Variants in IQGAP2 observed in about 807,000 individuals in gnomAD.
IQGAP2 encodes the protein ras GTPase-activating-like protein IQGAP2.
In IQGAP2, 173 loss-of-function variants were observed where a neutral mutation model predicts 201.3. The ratio of observed to expected loss-of-function variants is 0.86; its 90% confidence interval spans 0.76 to 0.98. The LOEUF (loss-of-function observed/expected upper bound fraction) is 0.98. IQGAP2 is among the 50% of genes least tolerant of loss of function. The pLI is 0.00. For synonymous variants in IQGAP2, 675 were observed against 673.9 expected (o/e 1.00, Z -0.03); for missense variants, 1,687 against 1,864.8 (o/e 0.90, Z 1.76).
intron 2 of IQGAP2, among the ~76,000 whole-genome samples, chr5:76,559,678 C>A (rs1481069222): frequency 6.6e-6 from 1 of 152,152 alleles, no homozygotes; most frequent in African/African-American, 2.4e-5. Context: ...CCAATAATGT[C>A]GTTTCATTCG....
chr5:76,683,943 T>C (rs1041793887), intron 30 of IQGAP2, 26 bp downstream of exon 30: 10 of 1,594,746 alleles, frequency 6.3e-6, no homozygotes, highest in Admixed American at 3.4e-5. Context: ...AAAGGGCACA[T>C]GTCTCCAAAT....
At position 76,671,943 on chromosome 5, in the gene IQGAP2, G is replaced by T. The variant is rs560682248; in HGVS notation, c.3028G>T (p.Ala1010Ser). Residue 1010 changes from alanine to serine, a missense_variant, in exon 24 of 36, where the codon GCT becomes TCT. By Grantham distance (99) the Ala-to-Ser change is moderately conservative (BLOSUM62 1). Coordinates refer to ENST00000274364, the MANE Select transcript of IQGAP2 (RefSeq NM_006633.5). The stretch of plus-strand genomic sequence containing the variant: ...CACAAACCCTGTAGAGGTGTACAAG[G>T]CTTGGGTGAACCAACTAGAAACACA... ...INTNPVEVYKAWVNQLETQTG... is the reference protein window; with the variant it reads ...INTNPVEVYKSWVNQLETQTG... 85 of 1,613,982 alleles carry T rather than the reference G, an allele frequency of 5.3e-5. 1 individual carries two copies. The South Asian group carries it at 7.1e-4, about 14-fold the overall frequency.
intron 1 of IQGAP2, among the ~76,000 whole-genome samples, chr5:76,418,198 C>G (rs1488982947): frequency 2.4e-5 from 3 of 127,074 alleles, no homozygotes; most frequent in African/African-American, 8.7e-5. Flanking sequence ...CAGAGAGAGA[C>G]TCCGTCTCAA....
intron 34 of IQGAP2, among the ~76,000 whole-genome samples, chr5:76,701,507 A>C (rs1005102278): frequency 3.3e-5 from 5 of 152,190 alleles, no homozygotes; most frequent in African/African-American, 7.2e-5. Flanking sequence ...TTTGGTCTTG[A>C]TGGATGAATT....
At chr5:76,552,275 T>C (rs1421478084) in intron 2 of IQGAP2, among the ~76,000 whole-genome samples, 1 of 152,186 alleles carries the variant, frequency 6.6e-6, no homozygotes, top group Non-Finnish European at 1.5e-5. Context: ...CTGGCTTCTG[T>C]TGAGATGGCC....
intron 23 of IQGAP2, among the ~76,000 whole-genome samples, chr5:76,671,041 T>C (rs1580778793): frequency 1.3e-5 from 2 of 152,104 alleles, no homozygotes; most frequent in Non-Finnish European, 2.9e-5. Context: ...GGCGGGTAGA[T>C]CATTTGAGGT....
intron 5 of IQGAP2, among the ~76,000 whole-genome samples, chr5:76,578,740 C>T (rs1260330566): frequency 6.6e-6 from 1 of 152,142 alleles, no homozygotes; most frequent in Non-Finnish European, 1.5e-5. Flanking sequence ...CCCACTATCT[C>T]AACACCAAGT....
At chr5:76,643,495 A>C (rs1751757567) in intron 17 of IQGAP2, among the ~76,000 whole-genome samples, 1 of 152,198 alleles carries the variant, frequency 6.6e-6, no homozygotes, top group Admixed American at 6.5e-5. Context: ...TTTGCTTCTC[A>C]AGTGCTTGAT....
intron 1 of IQGAP2, among the ~76,000 whole-genome samples, chr5:76,409,010 C>T (rs1221921554): frequency 6.6e-6 from 1 of 151,900 alleles, no homozygotes; most frequent in African/African-American, 2.4e-5. Flanking sequence ...TCAGGCTGGT[C>T]TCGAACTTCC....
chr5:76,545,077 T>C (rs1171817267), intron 2 of IQGAP2, among the ~76,000 whole-genome samples: 3 of 152,134 alleles, frequency 2.0e-5, no homozygotes, highest in South Asian at 2.1e-4. Context: ...TACATACATA[T>C]ATACACATAA....
intron 2 of IQGAP2, among the ~76,000 whole-genome samples, chr5:76,508,697 T>G (rs1192700858): frequency 6.6e-6 from 1 of 151,716 alleles, no homozygotes; most frequent in Non-Finnish European, 1.5e-5. Context: ...TTTGTTTTGT[T>G]TTGTTTTTTT....
chr5:76,689,972 G>T (rs1450120036), intron 30 of IQGAP2, among the ~76,000 whole-genome samples: 1 of 152,126 alleles, frequency 6.6e-6, no homozygotes, highest in Non-Finnish European at 1.5e-5. Flanking sequence ...TATCTACAGT[G>T]GGGTTTGAGC....
intron 1 of IQGAP2, among the ~76,000 whole-genome samples, chr5:76,452,311 A>G (rs1032462083): frequency 8.6e-5 from 13 of 150,540 alleles, no homozygotes; most frequent in African/African-American, 2.9e-4. Context: ...TTACATATGT[A>G]TACATGTGCC....
chr5:76,419,618 G>A (rs1471735962), intron 1 of IQGAP2, among the ~76,000 whole-genome samples: 1 of 151,460 alleles, frequency 6.6e-6, no homozygotes, highest in Admixed American at 6.6e-5. Flanking sequence ...GATTACAGGT[G>A]TGAGCTACCA....
chr5:76,538,055 G>C (rs969043469), intron 2 of IQGAP2, among the ~76,000 whole-genome samples: 1 of 152,240 alleles, frequency 6.6e-6, no homozygotes, highest in Non-Finnish European at 1.5e-5. Context: ...TATAAAGCAA[G>C]AGGTTTAACA....
chr5:76,571,628 CTG>C (rs925112670), intron 4 of IQGAP2, among the ~76,000 whole-genome samples: 3 of 152,100 alleles, frequency 2.0e-5, no homozygotes, highest in Admixed American at 6.6e-5. Flanking sequence ...ATCCTAAAGT[CTG>C]TGAGAGAATT....
At chr5:76,551,228 CAA>C (rs1743478364) in intron 2 of IQGAP2, among the ~76,000 whole-genome samples, 1 of 149,106 alleles carries the variant, frequency 6.7e-6, no homozygotes, top group African/African-American at 2.5e-5. Flanking sequence ...CGGGCAGAGG[CAA>C]TCCTCACATC....
chr5:76,440,900 G>A (rs568367021), intron 1 of IQGAP2, among the ~76,000 whole-genome samples: 6 of 152,188 alleles, frequency 3.9e-5, no homozygotes, highest in South Asian at 2.1e-4. Context: ...GCGTGGTGGC[G>A]GATGCCTGTG....
intron 1 of IQGAP2, among the ~76,000 whole-genome samples, chr5:76,426,905 G>GGTGTGTGTGTGT (rs141560559): frequency 0.25 from 37,109 of 146,456 alleles, 5,716 homozygotes; most frequent in Non-Finnish European, 0.36. Flanking sequence ...AACCATGGAG[G>GGTGTGTGTGTGT]GTGTGTGTGT....
Sources: gnomAD v4.1 joint callset for allele counts (sites outside exome capture counted in the v4.1 genomes callset) on GRCh38, gnomAD v4.1.1 for gene constraint, MANE v1.5 for transcripts, NCBI Gene and HGNC (gene_info 2026-07-23, HGNC 2026-07-21) for gene names.